The following CLYBL variants were observed in gnomAD, a reference collection of about 807,000 sequenced individuals.
CLYBL encodes the protein citramalyl-CoA lyase, mitochondrial.
In CLYBL, 31 loss-of-function variants were observed where a neutral mutation model predicts 38.9. The observed-to-expected ratio is 0.80, with a 90% CI of 0.60 to 1.08. The LOEUF (loss-of-function observed/expected upper bound fraction) is 1.08, where lower values mean the gene tolerates loss of function less well. Ranked by LOEUF, CLYBL falls within the 50% of genes least tolerant of loss-of-function variation. The pLI is 0.00. For missense variants in CLYBL, 434 were observed against 411.6 expected (o/e 1.05, Z -0.47); for synonymous variants, 171 against 158.6 (o/e 1.08, Z -0.59).
chr13:99,880,374 A>G (rs1362294369), intron 7 of CLYBL, among the ~76,000 whole-genome samples: 1 of 152,126 alleles, frequency 6.6e-6, no homozygotes, highest in Non-Finnish European at 1.5e-5. Context: ...CCTTGCATAT[A>G]TTACTTTATG....
At chr13:99,622,425 G>T (rs556344705) in intron 1 of CLYBL, among the ~76,000 whole-genome samples, 1 of 152,176 alleles carries the variant, frequency 6.6e-6, no homozygotes, top group African/African-American at 2.4e-5. Context: ...TAGATATTAA[G>T]ATGTACATTC....
intron 2 of CLYBL, among the ~76,000 whole-genome samples, chr13:99,836,346 G>A (rs566470637): frequency 6.6e-6 from 1 of 152,202 alleles, no homozygotes. Context: ...CACAAAGCAG[G>A]ACAAAGCCAA....
intron 1 of CLYBL, among the ~76,000 whole-genome samples, chr13:99,660,527 A>G (rs1031162125): frequency 2.6e-5 from 4 of 152,054 alleles, no homozygotes; most frequent in Non-Finnish European, 5.9e-5. Context: ...TCTACCCATT[A>G]AGTTTATACT....
chr13:99,815,353 A>G (rs773698040), intron 2 of CLYBL, among the ~76,000 whole-genome samples: 5 of 152,128 alleles, frequency 3.3e-5, no homozygotes, highest in Admixed American at 1.3e-4. Context: ...TCAGAGATCT[A>G]TCAGAGCAAG....
intron 2 of CLYBL, among the ~76,000 whole-genome samples, chr13:99,813,530 C>T (rs974742468): frequency 6.6e-6 from 1 of 152,152 alleles, no homozygotes; most frequent in Admixed American, 6.5e-5. Context: ...ACAGGATAGA[C>T]TTTGGAGTCA....
At chr13:99,731,353 G>GC (rs2048586916) in intron 1 of CLYBL, among the ~76,000 whole-genome samples, 1 of 151,054 alleles carries the variant, frequency 6.6e-6, no homozygotes, top group South Asian at 2.1e-4. Flanking sequence ...AAAAAAAGCG[G>GC]CTGAGCCCAG....
chr13:99,659,674 A>G (rs2047381542), intron 1 of CLYBL, among the ~76,000 whole-genome samples: 1 of 152,242 alleles, frequency 6.6e-6, no homozygotes, highest in African/African-American at 2.4e-5. Context: ...TAGTTTAAAA[A>G]TTAATGCATG....
chr13:99,880,718 G>T (rs576963644), intron 7 of CLYBL, among the ~76,000 whole-genome samples: 4 of 152,358 alleles, frequency 2.6e-5, no homozygotes, highest in East Asian at 3.9e-4. Context: ...CCCCATGCCT[G>T]CTCAGACCAT....
chr13:99,820,352 A>C (rs2050563788), intron 2 of CLYBL, among the ~76,000 whole-genome samples: 1 of 152,180 alleles, frequency 6.6e-6, no homozygotes, highest in African/African-American at 2.4e-5. Flanking sequence ...GTACATGCTC[A>C]TATTTAAAAA....
At chr13:99,612,023 G>GC (rs998303955) in intron 1 of CLYBL, among the ~76,000 whole-genome samples, 1 of 152,020 alleles carries the variant, frequency 6.6e-6, no homozygotes, top group Non-Finnish European at 1.5e-5. Flanking sequence ...CCAATGTTAG[G>GC]CCCCCCTCCA....
chr13:99,885,994 C>A (rs1224059035), intron 7 of CLYBL, among the ~76,000 whole-genome samples: 1 of 152,152 alleles, frequency 6.6e-6, no homozygotes, highest in Non-Finnish European at 1.5e-5. Flanking sequence ...TTTAGGAATT[C>A]CCTGGGAACT....
chr13:99,691,380 ACT>A (rs1179540238), intron 1 of CLYBL, among the ~76,000 whole-genome samples: 8 of 152,082 alleles, frequency 5.3e-5, no homozygotes, highest in Non-Finnish European at 1.5e-5. Context: ...TTACATAGAA[ACT>A]CTAAAAATTT....
intron 1 of CLYBL, among the ~76,000 whole-genome samples, chr13:99,768,192 CTTTTTTTT>C (rs58499426): frequency 3.9e-5 from 4 of 102,706 alleles, no homozygotes; most frequent in East Asian, 2.9e-4. Flanking sequence ...TTTTCTTTTT[CTTTTTTTT>C]TTTTTTTTTT....
intron 1 of CLYBL, among the ~76,000 whole-genome samples, chr13:99,698,978 C>T (rs941715082): frequency 5.3e-5 from 8 of 152,156 alleles, no homozygotes; most frequent in African/African-American, 1.2e-4. Flanking sequence ...GTTTTTAAAA[C>T]GTGCCACTCA....
intron 1 of CLYBL, among the ~76,000 whole-genome samples, chr13:99,730,781 C>T (rs992706128): frequency 3.9e-5 from 6 of 152,128 alleles, no homozygotes; most frequent in Admixed American, 3.9e-4. Flanking sequence ...CCATTCTTTC[C>T]CCTAAAGAGT....
chr13:99,807,221 C>T (rs1039317593), intron 2 of CLYBL, among the ~76,000 whole-genome samples: 8 of 152,182 alleles, frequency 5.3e-5, no homozygotes, highest in Non-Finnish European at 2.9e-5. Flanking sequence ...GCAGAAAGTC[C>T]GGTCCACATC....
intron 2 of CLYBL, among the ~76,000 whole-genome samples, chr13:99,787,726 A>G (rs1193659924): frequency 6.6e-6 from 1 of 152,142 alleles, no homozygotes; most frequent in African/African-American, 2.4e-5. Context: ...GTTTTTTCCA[A>G]TTCTGTGAAG....
intron 2 of CLYBL, among the ~76,000 whole-genome samples, chr13:99,793,252 G>A (rs1361152473): frequency 1.3e-5 from 2 of 152,146 alleles, no homozygotes; most frequent in Admixed American, 1.3e-4. Context: ...ATGATTAAAT[G>A]TATACAGGGG....
chr13:99,621,356 C>T (rs903580957), intron 1 of CLYBL, among the ~76,000 whole-genome samples: 2 of 152,130 alleles, frequency 1.3e-5, no homozygotes, highest in African/African-American at 2.4e-5. Flanking sequence ...CCCACACTCT[C>T]GAGTCATCAG....
Sources: gnomAD v4.1 joint callset for allele counts (sites outside exome capture counted in the v4.1 genomes callset) on GRCh38, gnomAD v4.1.1 for gene constraint, MANE v1.5 for transcripts, NCBI Gene and HGNC (gene_info 2026-07-23, HGNC 2026-07-21) for gene names.